Variants in NBEAL1 observed in about 807,000 individuals in gnomAD.
NBEAL1 encodes the protein neurobeachin-like protein 1.
Under a neutral mutation model 351.3 loss-of-function variants are expected in NBEAL1, and 273 were observed. The ratio of observed to expected loss-of-function variants is 0.78; its 90% CI spans 0.70 to 0.86. The LOEUF (loss-of-function observed/expected upper bound fraction) is 0.86. NBEAL1 is among the 40% of genes least tolerant of loss of function. The pLI is 0.00. For missense variants in NBEAL1, 2,961 were observed against 3,201.3 expected (o/e 0.92, Z 1.81); for synonymous variants, 1,050 against 1,086.4 (o/e 0.97, Z 0.66).
chr2:203,093,861 TA>T (rs908700705), intron 10 of NBEAL1, among the ~76,000 whole-genome samples: 2 of 150,898 alleles, frequency 1.3e-5, no homozygotes, highest in Non-Finnish European at 3.0e-5. Context: ...ACAAAAACAA[TA>T]AAAAAAACAG....
chr2:203,016,216 C>G lies in NBEAL1; in HGVS notation c.-169C>G, dbSNP rs1349817237. 1 of 411,864 alleles carries G rather than the reference C, an allele frequency of 2.4e-6. No homozygotes were observed. The highest frequency in any genetic ancestry group is 4.3e-6 in the Non-Finnish European group (1 of 232,960). 25.5% of individuals were successfully genotyped at this position (411,864 alleles called of 1,614,324 possible). A position where few individuals can be genotyped will look rare whatever the true frequency, so the allele number is the denominator to read the frequency against. On this transcript the variant is annotated 5_prime_UTR_variant, in exon 2 of 56. Coordinates refer to ENST00000683969, the MANE Select transcript of NBEAL1 (RefSeq NM_001378026.1). ...ATATTGGAGTGACTGCTGAAATTGC[C>G]TTTTTGTTTTTAACCAGAGGACAGT... is the stretch of plus-strand genomic sequence containing the variant.
chr2:203,203,292 C>T (rs933808514), intron 51 of NBEAL1, among the ~76,000 whole-genome samples: 3 of 141,340 alleles, frequency 2.1e-5, no homozygotes. Flanking sequence ...CAGGCACGTG[C>T]CACCATGCCT....
intron 41 of NBEAL1, among the ~76,000 whole-genome samples, chr2:203,173,956 T>C (rs866217825): frequency 6.6e-6 from 1 of 151,966 alleles, no homozygotes; most frequent in Middle Eastern, 3.2e-3. Flanking sequence ...TTTATTCTTA[T>C]TTAGATTTTA....
intron 51 of NBEAL1, among the ~76,000 whole-genome samples, chr2:203,204,113 G>C (rs2065481415): frequency 6.6e-6 from 1 of 151,398 alleles, no homozygotes. Context: ...ATTTTTAGTA[G>C]AGACGGGGTT....
chr2:203,069,504 G>A (rs2061645957), intron 7 of NBEAL1, among the ~76,000 whole-genome samples: 1 of 152,162 alleles, frequency 6.6e-6, no homozygotes, highest in Non-Finnish European at 1.5e-5. Context: ...CTCCAAGTGA[G>A]GTTATAAAAT....
intron 12 of NBEAL1, among the ~76,000 whole-genome samples, chr2:203,103,099 G>A (rs142128142): frequency 2.5e-3 from 386 of 152,198 alleles, no homozygotes; most frequent in African/African-American, 8.8e-3. Flanking sequence ...GTGCATAGAG[G>A]TGTTCATAGT....
chr2:203,191,177 T>C lies in NBEAL1; in HGVS notation c.6921+788T>C, dbSNP rs150065059. 5.6e-4 allele frequency: 882 copies of C among 1,568,808 alleles called. 2 individuals carry two copies. The African/African-American group carries it at 0.01, about 18-fold the overall frequency. On this transcript the variant is annotated intron_variant, in intron 46 of 55. Coordinates refer to ENST00000683969, the MANE Select transcript of NBEAL1 (RefSeq NM_001378026.1). ...CTCTCTGGAACCATTAAAGAGATCC[T>C]GGGGACTGCCCAGTCTGTGGGCTGT...
chr2:203,120,479 G>C (rs929191382), intron 18 of NBEAL1, among the ~76,000 whole-genome samples: 2 of 152,190 alleles, frequency 1.3e-5, no homozygotes, highest in African/African-American at 4.8e-5. Context: ...TCATAAAGAA[G>C]ATGGTATCAT....
chr2:203,213,592 A>G lies in NBEAL1; in HGVS notation c.8009A>G (p.His2670Arg), dbSNP rs755086263. 10 of 1,613,826 alleles carry G rather than the reference A, an allele frequency of 6.2e-6. No individual in the cohort carries two copies. The Admixed American group carries it at 1.7e-4, about 27-fold the overall frequency. Residue 2670 changes from histidine to arginine, a missense_variant, in exon 55 of 56, where the codon CAT (histidine) becomes CGT (arginine). By Grantham distance (29) the His-to-Arg change is conservative (BLOSUM62 0). Coordinates refer to ENST00000683969, the MANE Select transcript of NBEAL1 (RefSeq NM_001378026.1). ...HCVCVTKEYS[H>R]ILVGLEDGKL... ...GTTTGTGTCACCAAAGAATACAGCCATATTCTTGTAGGTTTAGAAGATGGC... is the reference window on the plus strand; with the variant it reads ...GTTTGTGTCACCAAAGAATACAGCCGTATTCTTGTAGGTTTAGAAGATGGC...
intron 54 of NBEAL1, among the ~76,000 whole-genome samples, 161 bp from the exon 55 acceptor site, chr2:203,213,357 G>T (rs1559071613): frequency 6.6e-6 from 1 of 152,034 alleles, no homozygotes. Flanking sequence ...GTAAATACAG[G>T]CCCTTGTGTG....
intron 3 of NBEAL1, among the ~76,000 whole-genome samples, chr2:203,042,478 G>T (rs2061157729): frequency 6.6e-6 from 1 of 152,052 alleles, no homozygotes; most frequent in Non-Finnish European, 1.5e-5. Flanking sequence ...GAGTTTTATT[G>T]GAGTCTTACT....
chr2:203,137,247 A>G (rs1217990492), intron 29 of NBEAL1, among the ~76,000 whole-genome samples: 1 of 152,234 alleles, frequency 6.6e-6, no homozygotes, highest in Non-Finnish European at 1.5e-5. Flanking sequence ...ACACAAATTC[A>G]TAAACTTTCT....
chr2:203,074,419 C>G (rs2061735215), intron 7 of NBEAL1, among the ~76,000 whole-genome samples: 1 of 150,462 alleles, frequency 6.6e-6, no homozygotes, highest in African/African-American at 2.4e-5. Context: ...CCTCCGCCTC[C>G]CGGGTTCAAG....
intron 10 of NBEAL1, among the ~76,000 whole-genome samples, chr2:203,088,282 GTCTT>G (rs2106179374): frequency 6.6e-6 from 1 of 152,230 alleles, no homozygotes; most frequent in East Asian, 1.9e-4. Flanking sequence ...CTACCAGTAA[GTCTT>G]TATTGATTGA....
chr2:203,090,023 C>T (rs750393046), intron 10 of NBEAL1, among the ~76,000 whole-genome samples: 17 of 152,072 alleles, frequency 1.1e-4, no homozygotes, highest in Non-Finnish European at 1.8e-4. Context: ...ACATATCTTG[C>T]GTCTGCTATT....
intron 17 of NBEAL1, among the ~76,000 whole-genome samples, chr2:203,113,620 GGCT>G (rs1243396958): frequency 6.6e-6 from 1 of 151,976 alleles, no homozygotes; most frequent in Non-Finnish European, 1.5e-5. Context: ...CAGACTGGGC[GGCT>G]TTAGCAACAG....
rs2062849141 is a variant in NBEAL1 at position 203,122,279 on chromosome 2, A to G, written c.2618A>G (p.Asp873Gly). The change falls in exon 19 of 56, where the codon GAT (aspartate) becomes GGT (glycine). Residue 873 changes from aspartate (D) to glycine (G), a missense_variant. Asp to Gly is a moderately conservative substitution (Grantham distance 94, BLOSUM62 -1). Transcript: ENST00000683969. ...GCCTGCAAAAATTCAATCTGTCTTGATTTATCTACTAATTGTTTGCATGGA... is the reference window on the plus strand; with the variant it reads ...GCCTGCAAAAATTCAATCTGTCTTGGTTTATCTACTAATTGTTTGCATGGA... ...AKACKNSICL[D>G]LSTNCLHGRL... 1 of 1,542,886 alleles carries G rather than the reference A, an allele frequency of 6.5e-7. No individual in the cohort carries two copies. The highest frequency in any genetic ancestry group is 1.4e-5 in the African/African-American group (1 of 72,634).
At chr2:203,127,079 A>T (rs1242186219) in intron 23 of NBEAL1, among the ~76,000 whole-genome samples, 153 bp downstream of exon 23, 1 of 152,224 alleles carries the variant, frequency 6.6e-6, no homozygotes, top group Non-Finnish European at 1.5e-5. Context: ...AATGATGAAC[A>T]GTGGATCGCA....
intron 10 of NBEAL1, among the ~76,000 whole-genome samples, chr2:203,097,097 G>T (rs1432598238): frequency 6.6e-6 from 1 of 152,172 alleles, no homozygotes; most frequent in African/African-American, 2.4e-5. Context: ...GAGAGATTGT[G>T]CAGGGAAACT....
Sources: gnomAD v4.1 joint callset for allele counts (sites outside exome capture counted in the v4.1 genomes callset) on GRCh38, gnomAD v4.1.1 for gene constraint, MANE v1.5 for transcripts, NCBI Gene and HGNC (gene_info 2026-07-23, HGNC 2026-07-21) for gene names.